The following CSMD1 variants were observed in gnomAD, a reference collection of about 807,000 sequenced individuals.
CSMD1 encodes CUB and sushi domain-containing protein 1.
In CSMD1, 213 loss-of-function variants were observed where a neutral mutation model predicts 417.5. The ratio of observed to expected loss-of-function variants is 0.51; its 90% CI spans 0.46 to 0.57. The LOEUF is 0.57. CSMD1 is among the 20% of genes least tolerant of loss of function. CSMD1 has a pLI of 0.00. For missense variants in CSMD1, 6,923 were observed against 4,529.7 expected, an observed-to-expected ratio of 1.53 and a Z score of -15.17; for synonymous variants, 2,862 against 1,736.8, an observed-to-expected ratio of 1.65 and a Z score of -16.11.
chr8:3,052,997 G>C (rs1811967326), intron 49 of CSMD1, among the ~76,000 whole-genome samples: 2 of 152,076 alleles, frequency 1.3e-5, no homozygotes, highest in Admixed American at 6.5e-5. Flanking sequence ...GGCCAGGCTG[G>C]TTGCCAACTC....
At chr8:3,762,604 G>A (rs187440765) in intron 5 of CSMD1, among the ~76,000 whole-genome samples, 2 of 152,330 alleles carry the variant, frequency 1.3e-5, no homozygotes, top group African/African-American at 2.4e-5. Flanking sequence ...GGAAGCCCAT[G>A]ACTTGGCCCT....
At chr8:3,604,195 T>C (rs924906733) in intron 8 of CSMD1, among the ~76,000 whole-genome samples, 1 of 151,986 alleles carries the variant, frequency 6.6e-6, no homozygotes, top group South Asian at 2.1e-4. Flanking sequence ...AGAAAATATA[T>C]AAACATGAAT....
chr8:4,168,798 C>G lies in CSMD1; in HGVS notation c.416-136699G>C, dbSNP rs143930358. On this transcript the variant is annotated intron_variant, in intron 3 of 69. Transcript: ENST00000635120. ...ACAATAAAACTCTCCTCTTCCCTTTCATTTTCCTTTGAACTAACTTCATTC... is the reference window on the plus strand; with the variant it reads ...ACAATAAAACTCTCCTCTTCCCTTTGATTTTCCTTTGAACTAACTTCATTC... 3.9e-4 allele frequency among the ~76,000 whole-genome samples: 60 copies of G among 152,284 alleles called. 1 individual carries two copies. The East Asian group carries it at 0.011, about 28-fold the overall frequency.
intron 5 of CSMD1, among the ~76,000 whole-genome samples, chr8:3,815,182 C>T (rs1239611303): frequency 6.6e-6 from 1 of 151,982 alleles, no homozygotes; most frequent in Non-Finnish European, 1.5e-5. Flanking sequence ...TTCTATAGTC[C>T]CAGGTCAACA....
intron 8 of CSMD1, among the ~76,000 whole-genome samples, chr8:3,616,224 C>T (rs113701355): frequency 1.8e-4 from 28 of 152,208 alleles, no homozygotes; most frequent in African/African-American, 5.8e-4. Context: ...TGGGAGGGAC[C>T]GGTGAGAGGC....
chr8:4,298,358 T>C (rs1313581243), intron 3 of CSMD1, among the ~76,000 whole-genome samples: 2 of 152,192 alleles, frequency 1.3e-5, no homozygotes, highest in Non-Finnish European at 2.9e-5. Flanking sequence ...ATCAGTTTAC[T>C]GTAATAGTTT....
chr8:4,583,355 T>A (rs977909411), intron 2 of CSMD1, among the ~76,000 whole-genome samples: 2 of 151,790 alleles, frequency 1.3e-5, no homozygotes, highest in African/African-American at 4.8e-5. Context: ...AATACACCAA[T>A]CGGCATTCTG....
At chr8:2,974,307 T>A in intron 56 of CSMD1, 144 bp downstream of exon 56, 2 of 705,850 alleles carry the variant, frequency 2.8e-6, no homozygotes, top group Non-Finnish European at 4.4e-6. Context: ...AGCGGCGTAT[T>A]TGGCTAGAAA....
At chr8:4,452,302 G>A (rs1285028442) in intron 2 of CSMD1, among the ~76,000 whole-genome samples, 1 of 152,142 alleles carries the variant, frequency 6.6e-6, no homozygotes, top group Non-Finnish European at 1.5e-5. Flanking sequence ...AACTATTTAG[G>A]TGAATTATTT....
At chr8:3,743,695 C>G (rs138237529) in intron 6 of CSMD1, among the ~76,000 whole-genome samples, 2 of 152,070 alleles carry the variant, frequency 1.3e-5, no homozygotes, top group Non-Finnish European at 2.9e-5. Flanking sequence ...TATTTTTTCC[C>G]ATAAAGACAT....
At chr8:4,022,331 A>G (rs1197105175) in intron 4 of CSMD1, among the ~76,000 whole-genome samples, 1 of 152,014 alleles carries the variant, frequency 6.6e-6, no homozygotes, top group Non-Finnish European at 1.5e-5. Flanking sequence ...ACACCCCTCC[A>G]ATTCAGCAGA....
chr8:3,535,688 A>G (rs1184938804), intron 10 of CSMD1, among the ~76,000 whole-genome samples: 1 of 152,226 alleles, frequency 6.6e-6, no homozygotes, highest in Non-Finnish European at 1.5e-5. Context: ...ACAAAATTGC[A>G]CTTGTACCCC....
chr8:3,626,699 G>A (rs377051651), intron 7 of CSMD1, among the ~76,000 whole-genome samples: 135 of 151,176 alleles, frequency 8.9e-4, no homozygotes, highest in South Asian at 7.5e-3. Context: ...AAATATGGAT[G>A]ATATAAGTAT....
chr8:4,749,655 T>G (rs991176647), intron 1 of CSMD1, among the ~76,000 whole-genome samples: 2 of 152,212 alleles, frequency 1.3e-5, no homozygotes, highest in East Asian at 3.8e-4. Context: ...ATAATTCCAG[T>G]TTAGTAATTT....
chr8:3,300,146 A>T lies in CSMD1; in HGVS notation c.3950+7549T>A, dbSNP rs551889149. On this transcript the variant is annotated intron_variant, in intron 25 of 69. Transcript: ENST00000635120. The stretch of plus-strand genomic sequence containing the variant: ...ATCCGGTAACTAAATAGGATGAGGC[A>T]AAATTACAAATTTGGATGTAAACAT... Among the ~76,000 whole-genome samples the T allele has an allele frequency of 1.5e-3, 221 of 152,356 alleles. 2 individuals are homozygous for T. Among genetic ancestry groups the T allele is most frequent in the Non-Finnish European group, 7.1e-4 (48 of 68,038 alleles).
At chr8:3,747,805 T>G (rs1385388896) in intron 6 of CSMD1, among the ~76,000 whole-genome samples, 1 of 152,196 alleles carries the variant, frequency 6.6e-6, no homozygotes, top group African/African-American at 2.4e-5. Flanking sequence ...AGTCATTGTT[T>G]TGTTCTTTAT....
At chr8:2,944,097 C>T (rs147984608) in intron 68 of CSMD1, among the ~76,000 whole-genome samples, 49 of 152,202 alleles carry the variant, frequency 3.2e-4, no homozygotes, top group African/African-American at 1.1e-3. Context: ...GCAATGTTGG[C>T]TTTTTACAAC....
intron 1 of CSMD1, among the ~76,000 whole-genome samples, chr8:4,960,685 A>G (rs1266025245): frequency 6.6e-6 from 1 of 152,184 alleles, no homozygotes; most frequent in Non-Finnish European, 1.5e-5. Flanking sequence ...ACATACATGC[A>G]TAAATTATTT....
At chr8:3,841,512 G>C (rs1286661070) in intron 5 of CSMD1, among the ~76,000 whole-genome samples, 1 of 152,008 alleles carries the variant, frequency 6.6e-6, no homozygotes, top group Non-Finnish European at 1.5e-5. Flanking sequence ...ATGATTTGTG[G>C]GGATGTCTAG....
Sources: allele counts gnomAD v4.1 joint callset (sites outside exome capture counted in the v4.1 genomes callset), GRCh38; gene constraint gnomAD v4.1.1; transcripts MANE v1.5; gene names NCBI Gene and HGNC (gene_info 2026-07-23, HGNC 2026-07-21).